The following INPP4B variants were observed in gnomAD, a reference collection of about 807,000 sequenced individuals.
INPP4B encodes the protein inositol polyphosphate 4-phosphatase type II.
INPP4B carries 55 observed loss-of-function variants against 122.5 expected under a neutral mutation model. The ratio of observed to expected loss-of-function variants is 0.45; its 90% confidence interval spans 0.36 to 0.56. INPP4B has a LOEUF of 0.56. Ranked by LOEUF, INPP4B falls within the 20% of genes least tolerant of loss-of-function variation. The pLI, the probability that INPP4B is intolerant of heterozygous loss-of-function variation, is 0.00. For synonymous variants in INPP4B, 403 were observed against 388.7 expected (o/e 1.04, Z -0.43); for missense variants, 1,000 against 1,097.7 (o/e 0.91, Z 1.26).
chr4:142,081,108 A>G (rs1773677819), intron 25 of INPP4B, among the ~76,000 whole-genome samples: 1 of 152,196 alleles, frequency 6.6e-6, no homozygotes, highest in Non-Finnish European at 1.5e-5. Flanking sequence ...ACAGAGGCAT[A>G]GAACAAACAC....
intron 7 of INPP4B, among the ~76,000 whole-genome samples, chr4:142,322,393 A>G (rs1770420521): frequency 6.6e-6 from 1 of 152,198 alleles, no homozygotes; most frequent in African/African-American, 2.4e-5. Flanking sequence ...CTCACAAATC[A>G]GTATCATAAC....
chr4:142,239,926 G>T (rs1186639154), intron 11 of INPP4B, among the ~76,000 whole-genome samples: 1 of 151,432 alleles, frequency 6.6e-6, no homozygotes, highest in East Asian at 1.9e-4. Flanking sequence ...CTAAAGCAAG[G>T]TTAAAAATCC....
intron 9 of INPP4B, among the ~76,000 whole-genome samples, chr4:142,297,092 G>A (rs2151054616): frequency 6.6e-6 from 1 of 152,246 alleles, no homozygotes; most frequent in South Asian, 2.1e-4. Context: ...TTACACTTAT[G>A]AATTTCTGTC....
At chr4:142,762,128 T>C (rs1260728929) in intron 1 of INPP4B, among the ~76,000 whole-genome samples, 1 of 152,144 alleles carries the variant, frequency 6.6e-6, no homozygotes, top group Non-Finnish European at 1.5e-5. Context: ...TTTTCTCGTT[T>C]CTTCATTTTG....
At chr4:142,628,361 T>C (rs913800773) in intron 2 of INPP4B, among the ~76,000 whole-genome samples, 5 of 137,100 alleles carry the variant, frequency 3.6e-5, no homozygotes, top group Non-Finnish European at 7.7e-5. Flanking sequence ...AACTGAACAA[T>C]GAGATCACAT....
chr4:142,254,116 T>A (rs1290201894), intron 11 of INPP4B, among the ~76,000 whole-genome samples: 1 of 151,946 alleles, frequency 6.6e-6, no homozygotes, highest in African/African-American at 2.4e-5. Context: ...ACACGGCCGG[T>A]ACTCCAACAG....
At chr4:142,723,995 C>T (rs748134178) in intron 2 of INPP4B, among the ~76,000 whole-genome samples, 2 of 152,122 alleles carry the variant, frequency 1.3e-5, no homozygotes, top group Non-Finnish European at 2.9e-5. Flanking sequence ...ACCTCCACAG[C>T]AACATACATA....
At chr4:142,398,445 T>TATAAAAA (rs749321202) in intron 7 of INPP4B, among the ~76,000 whole-genome samples, 1 of 74,570 alleles carries the variant, frequency 1.3e-5, no homozygotes, top group Non-Finnish European at 2.3e-5. Context: ...TATATATATA[T>TATAAAAA]AAAACATATT....
intron 25 of INPP4B, among the ~76,000 whole-genome samples, chr4:142,071,548 C>CA (rs914323125): frequency 6.6e-6 from 1 of 152,132 alleles, no homozygotes; most frequent in African/African-American, 2.4e-5. Flanking sequence ...AGTGAACAGG[C>CA]AACCTACAGA....
chr4:142,476,548 A>C (rs1819805476), intron 2 of INPP4B, among the ~76,000 whole-genome samples: 2 of 152,180 alleles, frequency 1.3e-5, no homozygotes, highest in Non-Finnish European at 2.9e-5. Flanking sequence ...ACAAGACCCA[A>C]CTGTGCTGTC....
At chr4:142,044,029 A>G (rs1179670261) in intron 25 of INPP4B, among the ~76,000 whole-genome samples, 1 of 152,210 alleles carries the variant, frequency 6.6e-6, no homozygotes, top group African/African-American at 2.4e-5. Context: ...TACAGATTCT[A>G]AAACAGAAGT....
intron 2 of INPP4B, among the ~76,000 whole-genome samples, chr4:142,678,023 TA>T (rs1200600358): frequency 1.3e-5 from 2 of 151,690 alleles, no homozygotes; most frequent in African/African-American, 2.4e-5. Context: ...AAAGTAACTT[TA>T]AAAAAAGGTG....
At chr4:142,116,183 A>G (rs1352646848) in intron 21 of INPP4B, among the ~76,000 whole-genome samples, 1 of 152,176 alleles carries the variant, frequency 6.6e-6, no homozygotes, top group East Asian at 1.9e-4. Flanking sequence ...AGAAATACAA[A>G]GAGACTTAGA....
intron 2 of INPP4B, among the ~76,000 whole-genome samples, chr4:142,706,757 T>C (rs1195694414): frequency 6.6e-6 from 1 of 152,220 alleles, no homozygotes; most frequent in East Asian, 1.9e-4. Flanking sequence ...CATTATACAC[T>C]ATGCATTTGC....
intron 9 of INPP4B, among the ~76,000 whole-genome samples, chr4:142,276,870 T>C (rs556251198): frequency 1.4e-4 from 21 of 152,028 alleles, no homozygotes; most frequent in East Asian, 1.2e-3. Context: ...TAAAAATATA[T>C]ATTTGGAAAC....
At chr4:142,572,615 T>G (rs1415609524) in intron 2 of INPP4B, among the ~76,000 whole-genome samples, 1 of 152,078 alleles carries the variant, frequency 6.6e-6, no homozygotes, top group Non-Finnish European at 1.5e-5. Flanking sequence ...GATTTAGTGA[T>G]CCGAGATTTT....
chr4:142,044,543 A>C (rs967175974), intron 25 of INPP4B, among the ~76,000 whole-genome samples: 10 of 152,086 alleles, frequency 6.6e-5, no homozygotes, highest in Non-Finnish European at 1.5e-5. Context: ...CAAGCAGCTG[A>C]TGAATGAAGA....
intron 7 of INPP4B, among the ~76,000 whole-genome samples, chr4:142,369,068 C>T (rs1034716285): frequency 6.6e-6 from 1 of 151,840 alleles, no homozygotes; most frequent in Admixed American, 6.6e-5. Flanking sequence ...GGAAGAAAAA[C>T]GTTGAAAAAG....
At chr4:142,309,816 T>C (rs1039978225) in intron 8 of INPP4B, among the ~76,000 whole-genome samples, 2 of 152,172 alleles carry the variant, frequency 1.3e-5, no homozygotes, top group African/African-American at 4.8e-5. Flanking sequence ...TTTCCATCAC[T>C]CTCACCTAGC....
Sources: allele counts gnomAD v4.1 joint callset (sites outside exome capture counted in the v4.1 genomes callset), GRCh38; gene constraint gnomAD v4.1.1; transcripts MANE v1.5; gene names NCBI Gene and HGNC (gene_info 2026-07-23, HGNC 2026-07-21).